The following CUX1 variants were observed in gnomAD, a reference collection of about 807,000 sequenced individuals.
CUX1 encodes the protein cut like homeobox 1, also known as protein CASP.
In CUX1, 31 loss-of-function variants were observed where a neutral mutation model predicts 158.8. That is an observed-to-expected ratio of 0.20 (90% CI 0.15 to 0.26). The LOEUF (loss-of-function observed/expected upper bound fraction) is 0.26, where lower values mean the gene tolerates loss of function less well. CUX1 is among the 10% of genes least tolerant of loss of function. CUX1 has a pLI of 1.00. For missense variants in CUX1, 1,589 were observed against 2,014.6 expected (o/e 0.79, Z 4.04); for synonymous variants, 879 against 862.1 (o/e 1.02, Z -0.34).
chr7:101,831,855 C>T (rs1046773684), intron 1 of CUX1, among the ~76,000 whole-genome samples: 16 of 152,178 alleles, frequency 1.1e-4, no homozygotes, highest in Admixed American at 6.5e-4. Flanking sequence ...TATCCTCCCA[C>T]CTCAGGTTCC....
intron 14 of CUX1, among the ~76,000 whole-genome samples, chr7:102,272,620 G>T (rs1305090895): frequency 6.6e-6 from 1 of 152,222 alleles, no homozygotes; most frequent in African/African-American, 2.4e-5. Context: ...CTGGCTCCTG[G>T]GTCACTGAAG....
chr7:102,280,670 C>A (rs1405206557), intron 19 of CUX1: 4 of 803,504 alleles, frequency 5.0e-6, no homozygotes. Context: ...CCTGGCAGCA[C>A]CCTGGCAGCC....
intron 3 of CUX1, among the ~76,000 whole-genome samples, chr7:102,029,518 G>A (rs915364547): frequency 6.6e-6 from 1 of 152,154 alleles, no homozygotes; most frequent in East Asian, 1.9e-4. Flanking sequence ...CTGGGAGCGA[G>A]AGCAGGGAGT....
intron 2 of CUX1, among the ~76,000 whole-genome samples, chr7:101,942,642 T>C (rs1807850854): frequency 6.6e-6 from 1 of 152,156 alleles, no homozygotes; most frequent in Non-Finnish European, 1.5e-5. Context: ...TTTAAATTAT[T>C]TGTAGAGACA....
chr7:102,209,566 A>G (rs549503587), intron 20 of CUX1, among the ~76,000 whole-genome samples: 2 of 152,272 alleles, frequency 1.3e-5, no homozygotes, highest in African/African-American at 4.8e-5. Context: ...ACTTTCTACA[A>G]ATATTTTTTT....
At chr7:102,194,179 G>T in intron 13 of CUX1, 1 of 435,882 alleles carries the variant, frequency 2.3e-6, no homozygotes, top group Non-Finnish European at 4.1e-6. Context: ...CTACCAAAAA[G>T]CAAATTATCT....
At chr7:102,132,365 A>G (rs1271906921) in intron 8 of CUX1, among the ~76,000 whole-genome samples, 1 of 151,852 alleles carries the variant, frequency 6.6e-6, no homozygotes, top group Admixed American at 6.6e-5. Context: ...AATAAGAAAA[A>G]GTTTCATTTC....
intron 1 of CUX1, among the ~76,000 whole-genome samples, chr7:101,849,512 T>C (rs1052037015): frequency 5.9e-5 from 9 of 152,176 alleles, no homozygotes; most frequent in African/African-American, 2.2e-4. Flanking sequence ...ACGTGACCTC[T>C]TTCTTTTTTC....
chr7:101,864,495 A>C (rs2131387709), intron 1 of CUX1, among the ~76,000 whole-genome samples: 1 of 151,264 alleles, frequency 6.6e-6, no homozygotes, highest in Admixed American at 6.6e-5. Context: ...TAGACATCTT[A>C]GTGGGTTTAA....
intron 2 of CUX1, among the ~76,000 whole-genome samples, chr7:101,919,292 G>A (rs1366792023): frequency 1.3e-5 from 2 of 152,112 alleles, no homozygotes; most frequent in East Asian, 1.9e-4. Context: ...GTGTCCCAAG[G>A]GGACACTGGG....
At chr7:102,016,724 C>G (rs139832446) in intron 2 of CUX1, among the ~76,000 whole-genome samples, 2 of 152,302 alleles carry the variant, frequency 1.3e-5, no homozygotes, top group African/African-American at 4.8e-5. Context: ...GTTCTCTGTT[C>G]TAAACTCATG....
In CUX1 at chr7:102,069,078, T is replaced by C. The variant is rs564026354; in HGVS notation, c.190-1261T>C. On this transcript the variant is annotated intron_variant, in intron 3 of 23. Transcript: ENST00000292535. ...TCTTCTGGGCCTCACGTCAACTGTG[T>C]GTGTCGCTGATCTCTCCAGCCGCCC... Among the ~76,000 whole-genome samples the C allele has an allele frequency of 8.5e-5, 13 of 152,292 alleles. 1 individual carries two copies. The South Asian group carries it at 2.7e-3, about 32-fold the overall frequency.
At chr7:101,858,729 G>C (rs1446809494) in intron 1 of CUX1, among the ~76,000 whole-genome samples, 1 of 141,724 alleles carries the variant, frequency 7.1e-6, no homozygotes, top group African/African-American at 2.7e-5. Context: ...GCAGTGGCAC[G>C]ATCTTAGCTC....
At chr7:102,008,907 C>G (rs1053252641) in intron 2 of CUX1, among the ~76,000 whole-genome samples, 2 of 152,276 alleles carry the variant, frequency 1.3e-5, no homozygotes, top group Admixed American at 1.3e-4. Context: ...AGAGGCCTCT[C>G]AGGTTCTTGA....
At chr7:101,882,056 C>T (rs574488415) in intron 1 of CUX1, among the ~76,000 whole-genome samples, 3 of 151,398 alleles carry the variant, frequency 2.0e-5, no homozygotes, top group East Asian at 1.9e-4. Context: ...TGGTGGTGCA[C>T]GCCTGTAGTC....
At position 101,908,931 on chromosome 7, in the gene CUX1, A is replaced by C. The variant is rs1042760580; in HGVS notation, c.31-7184A>C. Among the ~76,000 whole-genome samples, 5 of 152,240 alleles carry C rather than the reference A, an allele frequency of 3.3e-5. No individual in the cohort carries two copies. In the East Asian group the frequency reaches 9.6e-4, roughly 29 times the overall value. ...ACAATGGGGATGCGGCCTGGAGTCC[A>C]GGTGTGAGCTACCACACCCAGCCCA... On this transcript the variant is annotated intron_variant, in intron 1 of 23. Coordinates refer to ENST00000292535, the MANE Select transcript of CUX1 (RefSeq NM_181552.4).
intron 1 of CUX1, among the ~76,000 whole-genome samples, chr7:101,830,135 C>T (rs945096736): frequency 1.3e-5 from 2 of 152,124 alleles, no homozygotes; most frequent in Admixed American, 1.3e-4. Flanking sequence ...TGTACTTAAC[C>T]CTGTGACGGT....
intron 1 of CUX1, among the ~76,000 whole-genome samples, chr7:101,895,908 G>GTTTTTTTTTT (rs869038068): frequency 4.3e-5 from 4 of 93,980 alleles, no homozygotes; most frequent in African/African-American, 9.4e-5. Context: ...TTTTGTTTTT[G>GTTTTTTTTTT]TTTTTTTTTT....
chr7:102,099,327 A>G (rs1272533852), intron 5 of CUX1, among the ~76,000 whole-genome samples: 1 of 152,124 alleles, frequency 6.6e-6, no homozygotes, highest in Non-Finnish European at 1.5e-5. Flanking sequence ...TGGGCTTACT[A>G]GGGCTGGAAC....
Sources: gnomAD v4.1 joint callset for allele counts (sites outside exome capture counted in the v4.1 genomes callset) on GRCh38, gnomAD v4.1.1 for gene constraint, MANE v1.5 for transcripts, NCBI Gene and HGNC (gene_info 2026-07-23, HGNC 2026-07-21) for gene names.